HRH1: variants seen among roughly 807,000 people sequenced by gnomAD.
The protein encoded by HRH1 is histamine H1 receptor.
Under a neutral mutation model 10.3 loss-of-function variants are expected in HRH1, and 6 were observed. The observed-to-expected ratio is 0.58, with a 90% CI of 0.32 to 1.15. The LOEUF (loss-of-function observed/expected upper bound fraction) is 1.15, where lower values mean the gene tolerates loss of function less well. Among genes scored for constraint, HRH1 ranks in the 50% most tolerant of loss-of-function variants. HRH1 has a pLI of 0.05. For synonymous variants in HRH1, 242 were observed against 236.7 expected (o/e 1.02, Z -0.21); for missense variants, 514 against 615.3 (o/e 0.84, Z 1.74).
intron 1 of HRH1, among the ~76,000 whole-genome samples, chr3:11,203,683 G>C (rs1938015296): frequency 6.6e-6 from 1 of 152,100 alleles, no homozygotes; most frequent in Admixed American, 6.5e-5. Context: ...ATTTATCTCT[G>C]GATTCTGGAT....
intron 1 of HRH1, among the ~76,000 whole-genome samples, chr3:11,243,822 C>T (rs958954456): frequency 1.3e-5 from 2 of 152,220 alleles, no homozygotes; most frequent in South Asian, 4.1e-4. Context: ...CAGTTCTTCC[C>T]TCTGCTGTCC....
At chr3:11,229,058 C>T (rs1010137562) in intron 1 of HRH1, among the ~76,000 whole-genome samples, 6 of 152,076 alleles carry the variant, frequency 3.9e-5, no homozygotes, top group East Asian at 1.9e-4. Context: ...AGATGGACGT[C>T]GTAGAATAAA....
chr3:11,233,567 T>A (rs558622415), intron 1 of HRH1, among the ~76,000 whole-genome samples: 1 of 152,170 alleles, frequency 6.6e-6, no homozygotes, highest in Non-Finnish European at 1.5e-5. Flanking sequence ...TGTGTGAACA[T>A]GGGCCCCAAA....
chr3:11,182,703 G>A (rs906616247), intron 1 of HRH1, among the ~76,000 whole-genome samples: 8 of 152,170 alleles, frequency 5.3e-5, no homozygotes, highest in African/African-American at 1.7e-4. Context: ...CTTCTCCAGT[G>A]TGGTAAGCAC....
At chr3:11,227,086 A>G (rs1938907691) in intron 1 of HRH1, among the ~76,000 whole-genome samples, 2 of 152,142 alleles carry the variant, frequency 1.3e-5, no homozygotes, top group South Asian at 4.1e-4. Context: ...AACCAGGAGC[A>G]GAAAGACCAG....
intron 1 of HRH1, among the ~76,000 whole-genome samples, chr3:11,195,541 C>G (rs1396939445): frequency 2.6e-5 from 4 of 152,200 alleles, no homozygotes. Context: ...GCTCGAGGGT[C>G]TACGTGTATT....
At chr3:11,241,027 G>A (rs1304737686) in intron 1 of HRH1, among the ~76,000 whole-genome samples, 1 of 152,160 alleles carries the variant, frequency 6.6e-6, no homozygotes, top group African/African-American at 2.4e-5. Flanking sequence ...TAAGCATGTG[G>A]AAAACATTTC....
chr3:11,183,579 C>T (rs1937396957), intron 1 of HRH1, among the ~76,000 whole-genome samples: 1 of 152,172 alleles, frequency 6.6e-6, no homozygotes, highest in Non-Finnish European at 1.5e-5. Flanking sequence ...CAGAACTGGT[C>T]CTGCTCTCCC....
chr3:11,258,214 T>TAAG (rs1225521557), intron 1 of HRH1, among the ~76,000 whole-genome samples: 1 of 92,572 alleles, frequency 1.1e-5, no homozygotes, highest in African/African-American at 4.4e-5. Context: ...CAGCTGCAAG[T>TAAG]AAGAACTGCC....
At position 11,260,350 on chromosome 3, in the gene HRH1, T is replaced by A. The variant is rs777628910; in HGVS notation, c.1313T>A (p.Ile438Asn). 1.2e-6 allele frequency: 2 copies of A among 1,614,226 alleles called. No individual in the cohort carries two copies. The highest frequency in any genetic ancestry group is 1.7e-6 in the Non-Finnish European group (2 of 1,180,034). Residue 438 changes from isoleucine to asparagine, a missense_variant, in exon 2 of 2, where the codon ATT (isoleucine) becomes AAT (asparagine). Coordinates refer to ENST00000431010, the MANE Select transcript of HRH1 (RefSeq NM_001098212.2). ...CCTTATTTCATCTTCTTCATGGTCA[T>A]TGCCTTCTGCAAGAACTGTTGCAAT... is the stretch of plus-strand genomic sequence containing the variant. ...WIPYFIFFMV[I>N]AFCKNCCNEH...
At chr3:11,144,024 G>A (rs1354460553) in intron 1 of HRH1, among the ~76,000 whole-genome samples, 2 of 152,056 alleles carry the variant, frequency 1.3e-5, no homozygotes, top group African/African-American at 2.4e-5. Flanking sequence ...CAGTCAGAAC[G>A]GCTATTGCTA....
intron 1 of HRH1, among the ~76,000 whole-genome samples, chr3:11,217,923 C>G (rs972128630): frequency 1.3e-5 from 2 of 152,158 alleles, no homozygotes; most frequent in Non-Finnish European, 2.9e-5. Flanking sequence ...GCTGGCAATT[C>G]ACAGGACGAT....
chr3:11,195,825 T>C (rs1053399533), intron 1 of HRH1, among the ~76,000 whole-genome samples: 4 of 152,178 alleles, frequency 2.6e-5, no homozygotes, highest in African/African-American at 9.7e-5. Flanking sequence ...CCCATGCTTG[T>C]CCCCACCCCA....
Position 11,196,570 on chromosome 3 carries a change from C to T in HRH1, c.-36+42016C>T, listed in dbSNP as rs564637436. On this transcript the variant is annotated intron_variant, in intron 1 of 1. Coordinates refer to ENST00000431010, the MANE Select transcript of HRH1 (RefSeq NM_001098212.2). The stretch of plus-strand genomic sequence containing the variant: ...ACTGCTCACTCCATTATGATAGGGA[C>T]ATGCCTGTTTACTCACCTAGCACAT... 2.3e-3 allele frequency among the ~76,000 whole-genome samples: 351 copies of T among 152,226 alleles called. 1 individual carries two copies. The highest frequency in any genetic ancestry group is 7.6e-3 in the African/African-American group (317 of 41,538).
chr3:11,152,010 C>T (rs1936640723), upstream of HRH1, among the ~76,000 whole-genome samples: 1 of 152,194 alleles, frequency 6.6e-6, no homozygotes, highest in African/African-American at 2.4e-5. Context: ...CCACAAAGCA[C>T]AGAAGTAGGA....
At chr3:11,222,860 G>C (rs952737120) in intron 1 of HRH1, among the ~76,000 whole-genome samples, 34 of 152,090 alleles carry the variant, frequency 2.2e-4, no homozygotes, top group Non-Finnish European at 1.5e-4. Flanking sequence ...GTGTGGTAAA[G>C]GATTTTCTCT....
chr3:11,246,627 A>G (rs1045465859), intron 1 of HRH1, among the ~76,000 whole-genome samples: 1 of 152,280 alleles, frequency 6.6e-6, no homozygotes, highest in South Asian at 2.1e-4. Context: ...TACATTGCAG[A>G]CATTGTTAGA....
chr3:11,199,390 C>T (rs577919630), intron 1 of HRH1, among the ~76,000 whole-genome samples: 20 of 152,248 alleles, frequency 1.3e-4, no homozygotes, highest in East Asian at 1.2e-3. Context: ...AGGGCCTTTT[C>T]GCATGCTGTT....
chr3:11,234,667 C>A (rs898462380), intron 1 of HRH1: 3 of 1,260,974 alleles, frequency 2.4e-6, no homozygotes, highest in African/African-American at 1.5e-5. Flanking sequence ...CCCTTCCTGC[C>A]GGCAGTAGGA....
Sources: gnomAD v4.1 joint callset for allele counts (sites outside exome capture counted in the v4.1 genomes callset) on GRCh38, gnomAD v4.1.1 for gene constraint, MANE v1.5 for transcripts, NCBI Gene and HGNC (gene_info 2026-07-23, HGNC 2026-07-21) for gene names.